Variants in GDF5 observed in about 807,000 individuals in gnomAD.
GDF5 encodes the protein growth/differentiation factor 5.
GDF5 carries 17 observed loss-of-function variants against 34.6 expected under a neutral mutation model. The ratio of observed to expected loss-of-function variants is 0.49; its 90% CI spans 0.34 to 0.74. GDF5 has a LOEUF of 0.74. Ranked by LOEUF, GDF5 falls within the 30% of genes least tolerant of loss-of-function variation. The pLI is 0.01. For missense variants in GDF5, 616 were observed against 661.2 expected (o/e 0.93, Z 0.75); for synonymous variants, 332 against 290.7 (o/e 1.14, Z -1.44).
chr20:35,446,065 C>T (rs932977829), intron 1 of GDF5, among the ~76,000 whole-genome samples: 12 of 149,956 alleles, frequency 8.0e-5, no homozygotes, highest in East Asian at 6.0e-4. Context: ...CCCAGCACTT[C>T]GGGAGGCTGA....
chr20:35,437,706 T>G lies in GDF5; in HGVS notation c.223A>C (p.Arg75=), dbSNP rs1323669441. 6.2e-7 allele frequency: 1 copy of G among 1,613,908 alleles called. No individual in the cohort carries two copies. The change falls in exon 1 of 2, where the codon AGG becomes CGG. Residue 75 remains arginine, a synonymous_variant. Transcript: ENST00000374369. ...GTCTGCCCGGTGCCTCCCTTTGCCC[T>G]GGCATTGGCATTGGTGGCCCCCCCA... ...YGGGATNANA[R]AKGGTGQTGG...
chr20:35,439,980 G>A (rs1197407295), upstream of GDF5, among the ~76,000 whole-genome samples: 9 of 137,544 alleles, frequency 6.5e-5, no homozygotes, highest in Non-Finnish European at 9.2e-5. Context: ...GCAGTGGTGC[G>A]ATCTTGGCTC....
chr20:35,437,419 G>T lies in GDF5; in HGVS notation c.510C>A (p.His170Gln), dbSNP rs549971798. The change falls in exon 1 of 2, where the codon CAC becomes CAA. Residue 170 changes from histidine (H) to glutamine (Q), a missense_variant. By Grantham distance (24) the His-to-Gln change is conservative. Coordinates refer to ENST00000374369, the MANE Select transcript of GDF5 (RefSeq NM_000557.5). ...TCCTGTACAGCGAGAGCATGTACTC[G>T]TGGGGTGTGATGGGGGGTGGGCGAA... ...EPFRPPPITP[H>Q]EYMLSLYRTL... 5 of 1,613,808 alleles carry T rather than the reference G, an allele frequency of 3.1e-6. No homozygotes were observed. Among genetic ancestry groups the T allele is most frequent in the Non-Finnish European group, 4.2e-6 (5 of 1,179,720 alleles).
chr20:35,437,438 G>A lies in GDF5; in HGVS notation c.491C>T (p.Pro164Leu). ...PPREPKEPFR[P>L]PPITPHEYML... ...GTACTCGTGGGGTGTGATGGGGGGT[G>A]GGCGAAACGGCTCCTTGGGCTCTCG... The change falls in exon 1 of 2, where the codon CCA becomes CTA. Residue 164 changes from proline to leucine, a missense_variant. By Grantham distance (98) the Pro-to-Leu change is moderately conservative. Transcript: ENST00000374369. 1.9e-6 allele frequency: 3 copies of A among 1,613,896 alleles called. No homozygotes were observed. Among genetic ancestry groups the A allele is most frequent in the Non-Finnish European group, 2.5e-6 (3 of 1,179,784 alleles).
Position 35,437,980 on chromosome 20 carries a change from G to T in GDF5, c.-52C>A, listed in dbSNP as rs1303060679. ...AAAGAGAACAGCGGCAGCAGCGAAGGTGCCTCTGGTTTGGCAGGAAAAACC... is the reference window on the plus strand; with the variant it reads ...AAAGAGAACAGCGGCAGCAGCGAAGTTGCCTCTGGTTTGGCAGGAAAAACC... On this transcript the variant is annotated 5_prime_UTR_variant, in exon 1 of 2. Coordinates refer to ENST00000374369, the MANE Select transcript of GDF5 (RefSeq NM_000557.5). 2 of 1,605,834 alleles carry T rather than the reference G, an allele frequency of 1.2e-6. No individual in the cohort carries two copies. The highest frequency in any genetic ancestry group is 1.7e-6 in the Non-Finnish European group (2 of 1,175,346).
chr20:35,434,874 A>C (rs224332), intron 1 of GDF5, 91 bp from the exon 2 acceptor site: 1,190,467 of 1,288,456 alleles, frequency 0.92, 552,011 homozygotes, highest in Admixed American at 0.95. Flanking sequence ...GCTCTCTCCC[A>C]GTCCAGAGAG....
upstream of GDF5, among the ~76,000 whole-genome samples, chr20:35,438,686 C>T (rs957061381): frequency 2.0e-5 from 3 of 152,110 alleles, no homozygotes; most frequent in Non-Finnish European, 4.4e-5. Context: ...CCCACTTTCC[C>T]GAGGAGAGAT....
intron 1 of GDF5, chr20:35,435,135 G>A (rs2062466065): frequency 1.7e-6 from 1 of 579,660 alleles, no homozygotes; most frequent in South Asian, 2.3e-5. Flanking sequence ...TCATTTGTGA[G>A]ATAGGTGGAG....
At chr20:35,443,611 G>A (rs1378876439) in intron 1 of GDF5, among the ~76,000 whole-genome samples, 4 of 151,712 alleles carry the variant, frequency 2.6e-5, no homozygotes, top group South Asian at 2.1e-4. Flanking sequence ...TCCCAGGTTC[G>A]AGCGATTCTC....
intron 1 of GDF5, among the ~76,000 whole-genome samples, chr20:35,436,895 A>G (rs2062474677): frequency 6.6e-6 from 1 of 152,086 alleles, no homozygotes; most frequent in East Asian, 1.9e-4. Context: ...GGACCTCAAG[A>G]TTCATTTCTT....
At chr20:35,435,326 A>T (rs1472007989) in intron 1 of GDF5, 1 of 178,760 alleles carries the variant, frequency 5.6e-6, no homozygotes, top group Non-Finnish European at 1.2e-5. Flanking sequence ...TGGCGTGCAC[A>T]TGTAGTCCCA....
chr20:35,446,438 CTTTTT>C (rs11477146), intron 1 of GDF5, among the ~76,000 whole-genome samples: 5 of 136,016 alleles, frequency 3.7e-5, no homozygotes, highest in Non-Finnish European at 3.2e-5. Flanking sequence ...TTATTTATTG[CTTTTT>C]TTTTTTTTTT....
At chr20:35,440,482 T>G (rs1442593711), upstream of GDF5, among the ~76,000 whole-genome samples, 1 of 152,020 alleles carries the variant, frequency 6.6e-6, no homozygotes, top group Admixed American at 6.6e-5. Flanking sequence ...TATAACTGGC[T>G]TCTAGGCCTC....
At chr20:35,452,853 A>G (rs2062538714) in intron 1 of GDF5, among the ~76,000 whole-genome samples, 1 of 149,660 alleles carries the variant, frequency 6.7e-6, no homozygotes, top group Admixed American at 6.6e-5. Flanking sequence ...TGTGTGTAAG[A>G]CTGTGCTAAA....
upstream of GDF5, among the ~76,000 whole-genome samples, chr20:35,439,681 C>T (rs141818432): frequency 4.0e-4 from 61 of 151,816 alleles, no homozygotes; most frequent in Middle Eastern, 6.8e-3. Context: ...ACAGGGTCAG[C>T]GGGGAAAGCT....
rs781718444 is a variant in GDF5 at position 35,437,680 on chromosome 20, T to C, written c.249A>G (p.Thr83=). ...CCTTCTTGGGCTGTGTCAGGCCTCC[T>C]GTCTGCCCGGTGCCTCCCTTTGCCC... The part of the protein sequence containing the change: ...NARAKGGTGQ[T]GGLTQPKKDE... The change falls in exon 1 of 2, where the codon ACA becomes ACG. Residue 83 remains threonine, a synonymous_variant. Coordinates refer to ENST00000374369, the MANE Select transcript of GDF5 (RefSeq NM_000557.5). 18 of 1,614,106 alleles carry C rather than the reference T, an allele frequency of 1.1e-5. No homozygotes were observed. The South Asian group carries it at 1.8e-4, about 16-fold the overall frequency.
intron 1 of GDF5, among the ~76,000 whole-genome samples, chr20:35,451,910 C>T (rs1375518353): frequency 6.6e-6 from 1 of 152,160 alleles, no homozygotes; most frequent in Non-Finnish European, 1.5e-5. Context: ...TCTAATCCCC[C>T]AGGCCATGGA....
upstream of GDF5, among the ~76,000 whole-genome samples, chr20:35,440,772 C>A (rs1223213821): frequency 2.6e-5 from 4 of 152,180 alleles, no homozygotes; most frequent in African/African-American, 9.7e-5. Flanking sequence ...ATAATAATTT[C>A]TTTACATACC....
At chr20:35,434,905 A>C in intron 1 of GDF5, 122 bp from the exon 2 acceptor site, 1 of 1,044,438 alleles carries the variant, frequency 9.6e-7, no homozygotes. Flanking sequence ...CCTCTGCCCC[A>C]TTCTGACAGA....
Sources: allele counts gnomAD v4.1 joint callset (sites outside exome capture counted in the v4.1 genomes callset), GRCh38; gene constraint gnomAD v4.1.1; transcripts MANE v1.5; gene names NCBI Gene and HGNC (gene_info 2026-07-23, HGNC 2026-07-21).